The following CCDC192 variants were observed in gnomAD, a reference collection of about 807,000 sequenced individuals.
CCDC192 encodes the protein coiled-coil domain-containing protein 192.
At chr5:127,761,281 G>A (rs1452340255) in intron 3 of CCDC192, among the ~76,000 whole-genome samples, 1 of 152,150 alleles carries the variant, frequency 6.6e-6, no homozygotes, top group Admixed American at 6.5e-5. Flanking sequence ...CTAGAAGTGG[G>A]AACACAGCAG....
chr5:127,843,029 GTTTTTTT>G (rs11428874), intron 5 of CCDC192, among the ~76,000 whole-genome samples: 3 of 91,766 alleles, frequency 3.3e-5, no homozygotes, highest in Admixed American at 3.0e-4. Flanking sequence ...TTTTAGTCAA[GTTTTTTT>G]TTTTTTTTTT....
intron 3 of CCDC192, among the ~76,000 whole-genome samples, chr5:127,784,350 T>G (rs773505086): frequency 1.3e-5 from 2 of 152,206 alleles, no homozygotes; most frequent in African/African-American, 2.4e-5. Flanking sequence ...TGCAGTAGCA[T>G]GCAGCCTTCA....
intron 5 of CCDC192, among the ~76,000 whole-genome samples, chr5:127,842,513 C>T (rs1016455567): frequency 2.6e-5 from 4 of 152,192 alleles, no homozygotes; most frequent in Non-Finnish European, 5.9e-5. Flanking sequence ...CTACTGTGCC[C>T]GGCCAAAATT....
At chr5:127,906,097 G>A (rs1448528820) in intron 6 of CCDC192, among the ~76,000 whole-genome samples, 1 of 152,094 alleles carries the variant, frequency 6.6e-6, no homozygotes, top group Non-Finnish European at 1.5e-5. Context: ...GTACATTCAC[G>A]TTGCTGTGCA....
chr5:127,904,630 T>C (rs1055330097), intron 6 of CCDC192, among the ~76,000 whole-genome samples: 12 of 151,382 alleles, frequency 7.9e-5, no homozygotes, highest in African/African-American at 2.7e-4. Context: ...AGCCCCTGAG[T>C]AGCCGGGATT....
At chr5:127,784,914 T>A in intron 3 of CCDC192, 1 of 451,050 alleles carries the variant, frequency 2.2e-6, no homozygotes, top group East Asian at 5.7e-5. Context: ...ATTTCTAATT[T>A]TTATAACCAA....
chr5:127,909,842 T>C (rs1256501089), intron 6 of CCDC192, among the ~76,000 whole-genome samples: 1 of 152,322 alleles, frequency 6.6e-6, no homozygotes, highest in African/African-American at 2.4e-5. Context: ...GGTTTATATA[T>C]ATATTTTAAT....
chr5:127,775,837 G>A (rs1755825951), intron 3 of CCDC192, among the ~76,000 whole-genome samples: 1 of 152,142 alleles, frequency 6.6e-6, no homozygotes, highest in Admixed American at 6.5e-5. Context: ...TTATAAATGG[G>A]AATTTCCCTG....
intron 6 of CCDC192, among the ~76,000 whole-genome samples, chr5:127,915,899 G>T (rs1753507703): frequency 6.6e-6 from 1 of 152,126 alleles, no homozygotes; most frequent in African/African-American, 2.4e-5. Flanking sequence ...TGAAGGTCTG[G>T]GGGGCTGTGG....
upstream of CCDC192, among the ~76,000 whole-genome samples, chr5:127,703,144 G>C (rs1384727445): frequency 6.6e-6 from 1 of 152,162 alleles, no homozygotes; most frequent in Non-Finnish European, 1.5e-5. Context: ...AACATGCCTT[G>C]GTTTGAGCAC....
chr5:127,785,917 A>T (rs753662900), intron 3 of CCDC192: 67 of 443,554 alleles, frequency 1.5e-4, no homozygotes, highest in Non-Finnish European at 2.6e-4. Context: ...TACCAAGGCA[A>T]TGCATTTTTT....
At chr5:127,870,259 T>C (rs968790905) in intron 5 of CCDC192, among the ~76,000 whole-genome samples, 3 of 152,156 alleles carry the variant, frequency 2.0e-5, no homozygotes, top group African/African-American at 7.2e-5. Flanking sequence ...ATCAAATCTT[T>C]CCTTTATTTC....
intron 6 of CCDC192, among the ~76,000 whole-genome samples, chr5:127,887,820 C>G (rs1343045232): frequency 6.6e-6 from 1 of 151,508 alleles, no homozygotes; most frequent in African/African-American, 2.4e-5. Context: ...TCTCCTGCCT[C>G]AGCCTCCCAA....
intron 3 of CCDC192, among the ~76,000 whole-genome samples, chr5:127,766,873 G>A (rs558802487): frequency 6.6e-6 from 1 of 152,252 alleles, no homozygotes; most frequent in African/African-American, 2.4e-5. Flanking sequence ...ATTCTGGTGG[G>A]AACAATCACT....
Position 127,715,227 on chromosome 5 carries a change from A to G in CCDC192, c.114+7467A>G, listed in dbSNP as rs190661650. Among the ~76,000 whole-genome samples, 210 of 152,188 alleles carry G rather than the reference A, an allele frequency of 1.4e-3. 1 individual carries two copies. Among genetic ancestry groups the G allele is most frequent in the African/African-American group, 4.9e-3 (203 of 41,510 alleles). ...ACCAATCTCACAAAGTGTTTTCCCT[A>G]TTTTTATTCTAGTGGTTTCATAGTT... On this transcript the variant is annotated intron_variant, in intron 2 of 6. Transcript: ENST00000514853.
At chr5:127,884,392 C>G (rs1057144472) in intron 6 of CCDC192, among the ~76,000 whole-genome samples, 16 of 101,780 alleles carry the variant, frequency 1.6e-4, no homozygotes, top group African/African-American at 5.2e-4. Flanking sequence ...GACTGCATCT[C>G]AAAAAAAAAA....
rs567540710 is a variant in CCDC192, at chr5:127,918,572, G to C, written c.536-22610G>C. Among the ~76,000 whole-genome samples the C allele has an allele frequency of 9.9e-5, 15 of 152,256 alleles. 1 individual carries two copies. In the South Asian group the frequency reaches 2.9e-3, roughly 30 times the overall value. On this transcript the variant is annotated intron_variant, in intron 6 of 6. Coordinates refer to ENST00000514853, the MANE Select transcript of CCDC192 (RefSeq NM_001317938.2). Reference sequence around the variant, plus strand: ...CTCAAAAAAGCCCCAAAATGAAGGAGTCCCATTCAAACATGCTAATTTGCA... The same window carrying C: ...CTCAAAAAAGCCCCAAAATGAAGGACTCCCATTCAAACATGCTAATTTGCA...
intron 6 of CCDC192, among the ~76,000 whole-genome samples, chr5:127,902,335 C>A (rs1753059077): frequency 6.6e-6 from 1 of 150,946 alleles, no homozygotes; most frequent in African/African-American, 2.4e-5. Context: ...CAGAACATAA[C>A]AACAGGAAGC....
At chr5:127,803,425 C>T (rs185665937) in intron 5 of CCDC192, among the ~76,000 whole-genome samples, 240 of 152,252 alleles carry the variant, frequency 1.6e-3, no homozygotes, top group African/African-American at 5.3e-3. Flanking sequence ...ATTACTTATC[C>T]GCTTAAAGAC....
Sources: gnomAD v4.1 joint callset for allele counts (sites outside exome capture counted in the v4.1 genomes callset) on GRCh38, gnomAD v4.1.1 for gene constraint, MANE v1.5 for transcripts, NCBI Gene and HGNC (gene_info 2026-07-23, HGNC 2026-07-21) for gene names.